The following NRXN1 variants were observed in gnomAD, a reference collection of about 807,000 sequenced individuals.
The protein encoded by NRXN1 is neurexin-1.
NRXN1 carries 39 observed loss-of-function variants against 150.9 expected under a neutral mutation model. That is an observed-to-expected ratio of 0.26 (90% confidence interval 0.20 to 0.34). NRXN1 has a LOEUF of 0.34. Ranked by LOEUF, NRXN1 falls within the 10% of genes least tolerant of loss-of-function variation. NRXN1 has a pLI of 1.00. For missense variants in NRXN1, 1,815 were observed against 1,949.9 expected (o/e 0.93, Z 1.30); for synonymous variants, 924 against 757.0 (o/e 1.22, Z -3.62).
intron 21 of NRXN1, among the ~76,000 whole-genome samples, chr2:49,979,850 A>T (rs1679663270): frequency 6.6e-6 from 1 of 151,726 alleles, no homozygotes; most frequent in African/African-American, 2.4e-5. Context: ...TAGAGATAGG[A>T]TGGAAATTAA....
At chr2:50,603,965 G>A (rs1392784282) in intron 8 of NRXN1, among the ~76,000 whole-genome samples, 1 of 152,092 alleles carries the variant, frequency 6.6e-6, no homozygotes, top group Non-Finnish European at 1.5e-5. Context: ...AAGCATATCT[G>A]GTTTGATTGC....
chr2:50,333,211 G>T lies in NRXN1; in HGVS notation c.3365-96241C>A, dbSNP rs186517453. On this transcript the variant is annotated intron_variant, in intron 17 of 22. Coordinates refer to ENST00000401669, the MANE Select transcript of NRXN1 (RefSeq NM_001330078.2). ...TACGTGGGTGGCAATAGCAGCCCTG[G>T]AGCCTTCAAACCAGCTTATGGGGTT... Among the ~76,000 whole-genome samples, 445 of 152,196 alleles carry T rather than the reference G, an allele frequency of 2.9e-3. 3 individuals carry two copies. The highest frequency in any genetic ancestry group is 4.7e-3 in the Non-Finnish European group (322 of 68,004).
intron 17 of NRXN1, among the ~76,000 whole-genome samples, chr2:50,274,398 G>A (rs542029570): frequency 2.8e-4 from 43 of 152,250 alleles, no homozygotes; most frequent in African/African-American, 1.0e-3. Flanking sequence ...CCTGCTGGGG[G>A]TTGGGGGGCT....
chr2:50,741,492 G>A (rs1376090989), intron 5 of NRXN1, among the ~76,000 whole-genome samples: 1 of 152,102 alleles, frequency 6.6e-6, no homozygotes, highest in African/African-American at 2.4e-5. Context: ...CCTGCAGAAT[G>A]TATATAATTT....
At chr2:50,473,548 T>G (rs1001546331) in intron 15 of NRXN1, among the ~76,000 whole-genome samples, 10 of 152,062 alleles carry the variant, frequency 6.6e-5, no homozygotes, top group African/African-American at 2.4e-4. Context: ...CTACAAGTTC[T>G]GTAACATACT....
intron 5 of NRXN1, among the ~76,000 whole-genome samples, chr2:50,787,962 T>C (rs1705371477): frequency 6.6e-6 from 1 of 152,140 alleles, no homozygotes; most frequent in African/African-American, 2.4e-5. Context: ...TTGAAAATTT[T>C]TGTATATTGA....
At position 50,655,739 on chromosome 2, in the gene NRXN1, G is replaced by A. The variant is rs753107382; in HGVS notation, c.833-32124C>T. Among the ~76,000 whole-genome samples the A allele has an allele frequency of 8.4e-4, 127 of 151,798 alleles. 2 individuals carry two copies. Among genetic ancestry groups the A allele is most frequent in the Non-Finnish European group, 6.8e-4 (46 of 67,904 alleles). ...TTTTGAAAACTGGGACATCATCACT[G>A]GCCTACCCACCACATAAACGTAACT... is the stretch of plus-strand genomic sequence containing the variant. On this transcript the variant is annotated intron_variant, in intron 5 of 22. Transcript: ENST00000401669.
chr2:50,151,907 A>G (rs990973730), intron 18 of NRXN1, among the ~76,000 whole-genome samples: 1 of 151,878 alleles, frequency 6.6e-6, no homozygotes, highest in Non-Finnish European at 1.5e-5. Context: ...GAGCAATTCT[A>G]CAGATTTTAA....
chr2:50,419,072 A>C (rs894559982), intron 17 of NRXN1, among the ~76,000 whole-genome samples: 2 of 152,090 alleles, frequency 1.3e-5, no homozygotes, highest in Non-Finnish European at 2.9e-5. Context: ...GATTTGCCCC[A>C]AAATTGTCAT....
At chr2:50,305,926 C>T (rs1433838582) in intron 17 of NRXN1, among the ~76,000 whole-genome samples, 1 of 152,162 alleles carries the variant, frequency 6.6e-6, no homozygotes, top group Non-Finnish European at 1.5e-5. Flanking sequence ...CTTTCATGAT[C>T]AATTTAGCCC....
intron 18 of NRXN1, among the ~76,000 whole-genome samples, chr2:50,184,712 C>T (rs943335029): frequency 3.9e-5 from 6 of 152,018 alleles, no homozygotes; most frequent in African/African-American, 1.4e-4. Context: ...CTCTGTCTCT[C>T]TGTCTCTCTC....
chr2:50,500,532 C>G (rs1300818355), intron 13 of NRXN1, among the ~76,000 whole-genome samples: 2 of 152,110 alleles, frequency 1.3e-5, no homozygotes, highest in Admixed American at 1.3e-4. Flanking sequence ...ACTTCTACTA[C>G]TGTAGATATT....
chr2:50,554,820 G>T lies in NRXN1; in HGVS notation c.1321-1795C>A, dbSNP rs568405720. On this transcript the variant is annotated intron_variant, in intron 8 of 22. Transcript: ENST00000401669. ...TTCAGTTTACCTTTATCTTGGAGAA[G>T]GATTATAATAAAGAACATGATATCC... is the stretch of plus-strand genomic sequence containing the variant. 4.6e-5 allele frequency among the ~76,000 whole-genome samples: 7 copies of T among 152,072 alleles called. No homozygotes were observed. In the East Asian group the frequency reaches 1.4e-3, roughly 29 times the overall value.
intron 21 of NRXN1, among the ~76,000 whole-genome samples, chr2:50,012,260 A>G (rs1685818407): frequency 6.6e-6 from 1 of 152,122 alleles, no homozygotes. Context: ...TAAGCATAAA[A>G]TGTTTTTCAA....
At chr2:51,008,103 T>C (rs773326953) in intron 2 of NRXN1, among the ~76,000 whole-genome samples, 9 of 151,914 alleles carry the variant, frequency 5.9e-5, no homozygotes, top group East Asian at 1.9e-4. Flanking sequence ...TGCTCTTTGA[T>C]TGTTGCTGGC....
At chr2:49,942,312 C>A (rs538327201) in intron 22 of NRXN1, among the ~76,000 whole-genome samples, 1 of 152,184 alleles carries the variant, frequency 6.6e-6, no homozygotes, top group Non-Finnish European at 1.5e-5. Context: ...GCTCTTCCCC[C>A]TCCCTGGCAC....
intron 17 of NRXN1, among the ~76,000 whole-genome samples, chr2:50,439,546 C>A (rs1299110723): frequency 6.6e-6 from 1 of 152,076 alleles, no homozygotes; most frequent in Non-Finnish European, 1.5e-5. Context: ...GTGGCTCACG[C>A]CTGTAATCCC....
At position 50,687,432 on chromosome 2, in the gene NRXN1, T is replaced by C. The variant is rs543541564; in HGVS notation, c.833-63817A>G. On this transcript the variant is annotated intron_variant, in intron 5 of 22. Transcript: ENST00000401669. ...CATTCATTACTGTACCATGTGGTTA[T>C]ATATTTCTATGCATGCTTTATCATT... Among the ~76,000 whole-genome samples, 8 of 152,308 alleles carry C rather than the reference T, an allele frequency of 5.3e-5. No homozygotes were observed. In the South Asian group the frequency reaches 6.2e-4, roughly 12 times the overall value.
chr2:50,685,482 C>G (rs1164861296), intron 5 of NRXN1, among the ~76,000 whole-genome samples: 2 of 152,132 alleles, frequency 1.3e-5, no homozygotes. Flanking sequence ...ACCATTATCT[C>G]CATTGCTAAG....
Sources: gnomAD v4.1 joint callset for allele counts (sites outside exome capture counted in the v4.1 genomes callset) on GRCh38, gnomAD v4.1.1 for gene constraint, MANE v1.5 for transcripts, NCBI Gene and HGNC (gene_info 2026-07-23, HGNC 2026-07-21) for gene names.